CDH4: variants seen among roughly 807,000 people sequenced by gnomAD.
CDH4 encodes the protein cadherin 4, also known as cadherin-4.
In CDH4, 33 loss-of-function variants were observed where a neutral mutation model predicts 86.0. The observed-to-expected ratio is 0.38, with a 90% CI of 0.29 to 0.51. The LOEUF (loss-of-function observed/expected upper bound fraction) is 0.51. Ranked by LOEUF, CDH4 falls within the 20% of genes least tolerant of loss-of-function variation. The probability of loss-of-function intolerance (pLI) is 0.86; values close to 1 mark genes in which losing one functional copy is unlikely to be tolerated. For missense variants in CDH4, 1,114 were observed against 1,307.4 expected (o/e 0.85, Z 2.28); for synonymous variants, 555 against 549.4 (o/e 1.01, Z -0.14).
intron 4 of CDH4, among the ~76,000 whole-genome samples, chr20:61,839,863 T>C (rs538823823): frequency 7.2e-5 from 11 of 151,920 alleles, no homozygotes; most frequent in African/African-American, 2.7e-4. Context: ...TGTGTGTTTG[T>C]GTATTGTGTG....
chr20:61,779,460 A>G (rs534162259), intron 4 of CDH4, among the ~76,000 whole-genome samples: 56 of 152,218 alleles, frequency 3.7e-4, no homozygotes, highest in Non-Finnish European at 6.6e-4. Context: ...CACAGGAGCC[A>G]TTTCCAGAGA....
intron 2 of CDH4, among the ~76,000 whole-genome samples, chr20:61,624,214 C>A (rs2086807099): frequency 6.6e-6 from 1 of 152,192 alleles, no homozygotes; most frequent in Non-Finnish European, 1.5e-5. Context: ...CACCTGGGGA[C>A]CTCACCTCAG....
intron 2 of CDH4, among the ~76,000 whole-genome samples, chr20:61,479,345 T>TC (rs973846746): frequency 4.0e-5 from 6 of 151,706 alleles, no homozygotes; most frequent in Non-Finnish European, 7.4e-5. Context: ...ATGCTATCCC[T>TC]CCCCCCTTCC....
chr20:61,565,355 ATGGGGTGATGG>A lies in CDH4; in HGVS notation c.170-178204_170-178194del, dbSNP rs1328872606. On this transcript the variant is annotated intron_variant, in intron 2 of 15. Transcript: ENST00000614565. ...GATGGTGGTAGTGGTCCTCTTGGTG[ATGGGGTGATGG>A]TGGTGGTGGTCCTCTTGGTGATGGG... Among the ~76,000 whole-genome samples, 53 of 20,544 alleles carry A rather than the reference ATGGGGTGATGG, an allele frequency of 2.6e-3. 10 individuals carry two copies. The highest frequency in any genetic ancestry group is 0.015 in the East Asian group (6 of 408). The allele number at this position is 20,544 out of a possible 152,430, so 13.5% of individuals were successfully genotyped here. A position where few individuals can be genotyped will look rare whatever the true frequency, so the allele number is the denominator to read the frequency against.
chr20:61,450,620 A>T (rs955482680), intron 2 of CDH4, among the ~76,000 whole-genome samples: 1 of 152,008 alleles, frequency 6.6e-6, no homozygotes, highest in Non-Finnish European at 1.5e-5. Context: ...GTCTATTCCT[A>T]TTAAAAGCTC....
chr20:61,256,898 T>G (rs555993977), intron 2 of CDH4, among the ~76,000 whole-genome samples: 1 of 152,296 alleles, frequency 6.6e-6, no homozygotes, highest in East Asian at 1.9e-4. Context: ...GAAAGAGATG[T>G]TTTATATCTT....
intron 2 of CDH4, among the ~76,000 whole-genome samples, chr20:61,423,096 G>A (rs758737730): frequency 3.9e-5 from 6 of 152,204 alleles, no homozygotes; most frequent in Admixed American, 2.0e-4. Context: ...CCTGCTGCAC[G>A]TGGTGTACCT....
At chr20:61,715,166 T>C (rs1377598011) in intron 2 of CDH4, among the ~76,000 whole-genome samples, 2 of 152,244 alleles carry the variant, frequency 1.3e-5, no homozygotes, top group East Asian at 3.8e-4. Flanking sequence ...TTAGTGATGC[T>C]GAGCATTCTT....
At chr20:61,873,927 GGCGGGTGA>G (rs1239595492) in intron 7 of CDH4, 27 bp downstream of exon 7, 4 of 1,608,880 alleles carry the variant, frequency 2.5e-6, no homozygotes, top group Admixed American at 1.7e-5. Context: ...TCTGCGTGCA[GGCGGGTGA>G]GCTCCTGGTC....
intron 4 of CDH4, among the ~76,000 whole-genome samples, chr20:61,793,526 G>A (rs928876945): frequency 2.0e-5 from 3 of 152,084 alleles, no homozygotes; most frequent in East Asian, 3.9e-4. Flanking sequence ...TCCCTGGACA[G>A]TCATTTTCAG....
intron 2 of CDH4, among the ~76,000 whole-genome samples, chr20:61,694,265 C>T (rs974636859): frequency 5.9e-5 from 9 of 152,100 alleles, no homozygotes; most frequent in African/African-American, 2.2e-4. Flanking sequence ...GGAAGCCACA[C>T]TGACTTGCCT....
At chr20:61,457,859 G>A (rs2085417481) in intron 2 of CDH4, among the ~76,000 whole-genome samples, 1 of 150,820 alleles carries the variant, frequency 6.6e-6, no homozygotes, top group Admixed American at 6.6e-5. Flanking sequence ...CACTGGTGGT[G>A]GTGGTGATGG....
At chr20:61,426,411 G>C (rs2085215547) in intron 2 of CDH4, among the ~76,000 whole-genome samples, 1 of 152,198 alleles carries the variant, frequency 6.6e-6, no homozygotes, top group Non-Finnish European at 1.5e-5. Context: ...GTACAGCAAG[G>C]ACATCATGTG....
intron 2 of CDH4, among the ~76,000 whole-genome samples, chr20:61,567,765 C>G (rs531923554): frequency 6.6e-6 from 1 of 152,092 alleles, no homozygotes; most frequent in African/African-American, 2.4e-5. Flanking sequence ...GAGGATTGTT[C>G]GAGGCTAGAA....
chr20:61,665,809 G>A (rs989006140), intron 2 of CDH4, among the ~76,000 whole-genome samples: 12 of 152,314 alleles, frequency 7.9e-5, no homozygotes, highest in East Asian at 1.9e-4. Context: ...CATGCACAGC[G>A]TACACGGTCC....
intron 2 of CDH4, among the ~76,000 whole-genome samples, chr20:61,520,548 A>G (rs2085861112): frequency 6.6e-6 from 1 of 152,218 alleles, no homozygotes; most frequent in Non-Finnish European, 1.5e-5. Context: ...CAGCTAAGCA[A>G]GTGAGGGCTC....
At chr20:61,700,227 C>T (rs1012637957) in intron 2 of CDH4, among the ~76,000 whole-genome samples, 7 of 152,258 alleles carry the variant, frequency 4.6e-5, no homozygotes, top group Non-Finnish European at 1.0e-4. Flanking sequence ...AGGCCCAGTT[C>T]TGCCCACAGA....
chr20:61,647,636 G>C (rs2087079394), intron 2 of CDH4, among the ~76,000 whole-genome samples: 1 of 149,836 alleles, frequency 6.7e-6, no homozygotes, highest in Non-Finnish European at 1.5e-5. Flanking sequence ...GGGTGGGGAA[G>C]ATCTTCCCCA....
rs375395367 is a variant in CDH4 at position 61,809,747 on chromosome 20, G to A, written c.577-34921G>A. 3.3e-5 allele frequency among the ~76,000 whole-genome samples: 5 copies of A among 152,354 alleles called. No homozygotes were observed. In the South Asian group the frequency reaches 6.2e-4, roughly 19 times the overall value. ...TCTAACCAGGGCGGTGTTTTTCATT[G>A]CTGGGAGGCTGTTTGGACGAAGGCA... is the stretch of plus-strand genomic sequence containing the variant. On this transcript the variant is annotated intron_variant, in intron 4 of 15. Coordinates refer to ENST00000614565, the MANE Select transcript of CDH4 (RefSeq NM_001794.5).
Sources: gnomAD v4.1 joint callset for allele counts (sites outside exome capture counted in the v4.1 genomes callset) on GRCh38, gnomAD v4.1.1 for gene constraint, MANE v1.5 for transcripts, NCBI Gene and HGNC (gene_info 2026-07-23, HGNC 2026-07-21) for gene names.